The following NIPAL2 variants were observed in gnomAD, a reference collection of about 807,000 sequenced individuals.
NIPAL2 encodes NIPA-like protein 2.
In NIPAL2, 43 loss-of-function variants were observed where a neutral mutation model predicts 48.9. The ratio of observed to expected loss-of-function variants is 0.88; its 90% confidence interval spans 0.69 to 1.13. NIPAL2 has a LOEUF of 1.13. Ranked by LOEUF, NIPAL2 falls within the 50% of genes most tolerant of loss-of-function variation. NIPAL2 has a pLI of 0.00. For synonymous variants in NIPAL2, 167 were observed against 174.6 expected (o/e 0.96, Z 0.34); for missense variants, 446 against 461.4 (o/e 0.97, Z 0.31).
rs569593698 is a variant in NIPAL2 at position 98,235,615 on chromosome 8, G to T, written c.436+540C>A. On this transcript the variant is annotated intron_variant, in intron 4 of 10. Transcript: ENST00000430223. ...CACAAATGTTTTCATTGAATTTTAT[G>T]GTGTTCATAAAATTTTATAACATTA... 5.3e-5 allele frequency among the ~76,000 whole-genome samples: 8 copies of T among 151,424 alleles called. No homozygotes were observed. In the South Asian group the frequency reaches 1.2e-3, roughly 24 times the overall value.
chr8:98,228,464 A>T (rs769861173), intron 4 of NIPAL2, among the ~76,000 whole-genome samples: 3 of 152,226 alleles, frequency 2.0e-5, no homozygotes, highest in Non-Finnish European at 4.4e-5. Context: ...TTCACATTTC[A>T]CTGCTACTTG....
At chr8:98,194,653 A>G in intron 10 of NIPAL2, 75 bp downstream of exon 10, 1 of 743,592 alleles carries the variant, frequency 1.3e-6, no homozygotes. Flanking sequence ...ATATTAACTT[A>G]CCACCCAAAA....
At chr8:98,293,889 G>A (rs1397580830) in intron 1 of NIPAL2, 114 bp downstream of exon 1, 4 of 1,004,660 alleles carry the variant, frequency 4.0e-6, no homozygotes, top group Non-Finnish European at 4.0e-6. Flanking sequence ...ACTCGGAGAG[G>A]CCGGGTGTCT....
chr8:98,238,904 G>A lies in NIPAL2; in HGVS notation c.377-2690C>T, dbSNP rs113751860. On this transcript the variant is annotated intron_variant, in intron 3 of 10. Coordinates refer to ENST00000430223, the MANE Select transcript of NIPAL2 (RefSeq NM_001321635.2). Reference sequence around the variant, plus strand: ...CAGATTTGGGCCAAAATAATCCAGGGAAACTAATTTCCCATGGTAGAGCAT... The same window carrying A: ...CAGATTTGGGCCAAAATAATCCAGGAAAACTAATTTCCCATGGTAGAGCAT... 3.9e-3 allele frequency among the ~76,000 whole-genome samples: 587 copies of A among 152,200 alleles called. 2 individuals carry two copies. The highest frequency in any genetic ancestry group is 5.8e-3 in the Non-Finnish European group (392 of 68,000).
At chr8:98,242,239 G>A (rs1190287687) in intron 3 of NIPAL2, among the ~76,000 whole-genome samples, 1 of 151,834 alleles carries the variant, frequency 6.6e-6, no homozygotes, top group Non-Finnish European at 1.5e-5. Context: ...GAGTGCAGTG[G>A]CGCAACCATG....
intron 3 of NIPAL2, among the ~76,000 whole-genome samples, chr8:98,239,949 A>G (rs1563513890): frequency 6.6e-6 from 1 of 152,238 alleles, no homozygotes; most frequent in Non-Finnish European, 1.5e-5. Context: ...TCAGAGGTCT[A>G]TCAAGCCCAA....
intron 9 of NIPAL2, among the ~76,000 whole-genome samples, chr8:98,195,527 T>C (rs952770804): frequency 2.6e-5 from 4 of 152,214 alleles, no homozygotes; most frequent in Non-Finnish European, 5.9e-5. Flanking sequence ...CAACCTGATA[T>C]TATCATGACT....
intron 1 of NIPAL2, among the ~76,000 whole-genome samples, chr8:98,257,136 G>C (rs1486039896): frequency 2.0e-5 from 3 of 152,018 alleles, no homozygotes; most frequent in Non-Finnish European, 4.4e-5. Flanking sequence ...TGGGGGTTGG[G>C]ACATACCTCA....
At chr8:98,205,304 T>C in intron 6 of NIPAL2, 58 bp from the exon 7 acceptor site, 2 of 1,478,300 alleles carry the variant, frequency 1.4e-6, no homozygotes, top group Non-Finnish European at 1.8e-6. Context: ...AATTAACAAA[T>C]ATCTTAAGCT....
At chr8:98,222,343 G>T in intron 5 of NIPAL2, 136 bp downstream of exon 5, 2 of 854,306 alleles carry the variant, frequency 2.3e-6, no homozygotes, top group African/African-American at 1.8e-5. Context: ...CAAATACTTT[G>T]GTATTGGTCA....
At chr8:98,226,208 TG>T (rs1467481896) in intron 4 of NIPAL2, among the ~76,000 whole-genome samples, 1 of 152,204 alleles carries the variant, frequency 6.6e-6, no homozygotes, top group African/African-American at 2.4e-5. Flanking sequence ...TCTCCAGGAT[TG>T]GCCCCTGGTG....
At chr8:98,267,946 A>T (rs1272487397) in intron 1 of NIPAL2, among the ~76,000 whole-genome samples, 1 of 152,200 alleles carries the variant, frequency 6.6e-6, no homozygotes, top group Non-Finnish European at 1.5e-5. Flanking sequence ...ATCATGTGGG[A>T]GTTCAACTTC....
chr8:98,274,841 G>A (rs2130886122), intron 1 of NIPAL2, among the ~76,000 whole-genome samples: 1 of 152,038 alleles, frequency 6.6e-6, no homozygotes, highest in Non-Finnish European at 1.5e-5. Flanking sequence ...GTTTTCCTTT[G>A]CATCCCAATT....
intron 5 of NIPAL2, among the ~76,000 whole-genome samples, chr8:98,214,754 T>A (rs544741946): frequency 6.6e-6 from 1 of 152,292 alleles, no homozygotes; most frequent in African/African-American, 2.4e-5. Flanking sequence ...AACCTTTTCA[T>A]CTAATATGGA....
chr8:98,252,681 G>A, intron 2 of NIPAL2, 47 bp from the exon 3 acceptor site: 1 of 1,508,070 alleles, frequency 6.6e-7, no homozygotes, highest in Non-Finnish European at 8.9e-7. Flanking sequence ...TGAGCTATGA[G>A]GGGAATGCCA....
At chr8:98,292,296 C>A (rs1816527713) in intron 1 of NIPAL2, among the ~76,000 whole-genome samples, 1 of 152,204 alleles carries the variant, frequency 6.6e-6, no homozygotes, top group Non-Finnish European at 1.5e-5. Context: ...ACCAGAGGCA[C>A]TCAATAAAAT....
chr8:98,238,561 C>T (rs1812833007), intron 3 of NIPAL2, among the ~76,000 whole-genome samples: 1 of 151,716 alleles, frequency 6.6e-6, no homozygotes, highest in Non-Finnish European at 1.5e-5. Context: ...AAAATAAGTC[C>T]ACACCAGAAA....
chr8:98,223,962 G>A (rs1812026885), intron 4 of NIPAL2, among the ~76,000 whole-genome samples: 1 of 152,152 alleles, frequency 6.6e-6, no homozygotes, highest in Non-Finnish European at 1.5e-5. Context: ...TTCCTAGGAG[G>A]AAGAGATTCA....
intron 1 of NIPAL2, among the ~76,000 whole-genome samples, chr8:98,257,403 A>G (rs573766503): frequency 6.8e-6 from 1 of 146,108 alleles, no homozygotes; most frequent in South Asian, 2.2e-4. Flanking sequence ...GCTGGAATAC[A>G]GTGGCATGAT....
Sources: gnomAD v4.1 joint callset for allele counts (sites outside exome capture counted in the v4.1 genomes callset) on GRCh38, gnomAD v4.1.1 for gene constraint, MANE v1.5 for transcripts, NCBI Gene and HGNC (gene_info 2026-07-23, HGNC 2026-07-21) for gene names.